PHLPP1: variants seen among roughly 807,000 people sequenced by gnomAD.
PHLPP1 encodes the protein PH domain and leucine rich repeat protein phosphatase 1, also known as PH domain leucine-rich repeat-containing protein phosphatase 1.
PHLPP1 carries 42 observed loss-of-function variants against 117.2 expected under a neutral mutation model. That is an observed-to-expected ratio of 0.36 (90% confidence interval 0.28 to 0.46). PHLPP1 has a LOEUF of 0.46. PHLPP1 is among the 20% of genes least tolerant of loss of function. The pLI is 1.00. For missense variants in PHLPP1, 2,084 were observed against 2,241.9 expected (o/e 0.93, Z 1.42); for synonymous variants, 1,042 against 970.7 (o/e 1.07, Z -1.37).
intron 1 of PHLPP1, among the ~76,000 whole-genome samples, chr18:62,741,957 C>T (rs951021258): frequency 1.3e-5 from 2 of 151,562 alleles, no homozygotes; most frequent in Non-Finnish European, 2.9e-5. Context: ...TCTGCCTGAC[C>T]GAATGCTTTG....
At chr18:62,772,548 A>T (rs536308204) in intron 1 of PHLPP1, among the ~76,000 whole-genome samples, 2 of 152,216 alleles carry the variant, frequency 1.3e-5, no homozygotes, top group East Asian at 3.9e-4. Flanking sequence ...ATTAAATTTA[A>T]ATTGGGCATG....
At position 62,920,074 on chromosome 18, in the gene PHLPP1, C is replaced by T. The variant is rs868527837; in HGVS notation, c.2920C>T (p.Leu974Phe). The change falls in exon 10 of 17, where the codon CTC becomes TTC. Residue 974 changes from leucine to phenylalanine, a missense_variant. This residue lies in a region of PHLPP1 where 1,365 missense variants were observed against 1,605.9 expected (regional missense o/e 0.85). Coordinates refer to ENST00000262719, the MANE Select transcript of PHLPP1 (RefSeq NM_194449.4). ...VEVLDVQHNQ[L>F]LELPPNLLMK... Reference sequence around the variant, plus strand: ...GGTCTTGGATGTGCAACACAACCAGCTCCTTGAGCTCCCACCTAACCTTCT... The same window carrying T: ...GGTCTTGGATGTGCAACACAACCAGTTCCTTGAGCTCCCACCTAACCTTCT... The T allele has an allele frequency of 1.2e-6, 2 of 1,613,696 alleles. No individual in the cohort carries two copies. Among genetic ancestry groups the T allele is most frequent in the Middle Eastern group, 3.3e-4 (2 of 6,060 alleles).
At chr18:62,839,008 CTT>C in intron 3 of PHLPP1, 99 bp downstream of exon 3, 4 of 1,257,598 alleles carry the variant, frequency 3.2e-6, no homozygotes, top group Non-Finnish European at 3.3e-6. Flanking sequence ...GTTACACACA[CTT>C]TTTTTTTCCT....
intron 4 of PHLPP1, among the ~76,000 whole-genome samples, chr18:62,869,541 A>G (rs1915848838): frequency 6.6e-6 from 1 of 152,176 alleles, no homozygotes; most frequent in Non-Finnish European, 1.5e-5. Context: ...TTAGAACATC[A>G]TGAAGTAGTT....
intron 2 of PHLPP1, among the ~76,000 whole-genome samples, chr18:62,831,615 G>A (rs759534725): frequency 3.9e-5 from 6 of 152,162 alleles, no homozygotes; most frequent in Non-Finnish European, 8.8e-5. Context: ...GAGATTACAG[G>A]CATGAGCCAC....
chr18:62,869,493 C>T (rs564334004), intron 4 of PHLPP1, among the ~76,000 whole-genome samples: 20 of 152,324 alleles, frequency 1.3e-4, no homozygotes, highest in African/African-American at 4.8e-4. Context: ...TCCTTGTACC[C>T]TTCTCTTTAT....
intron 15 of PHLPP1, among the ~76,000 whole-genome samples, chr18:62,973,606 G>A (rs1483848396): frequency 2.0e-5 from 3 of 152,174 alleles, no homozygotes; most frequent in African/African-American, 7.2e-5. Context: ...GTTCAGAGCA[G>A]CCTTTACAGT....
At chr18:62,750,595 T>C (rs552744315) in intron 1 of PHLPP1, among the ~76,000 whole-genome samples, 172 of 152,324 alleles carry the variant, frequency 1.1e-3, no homozygotes, top group African/African-American at 4.0e-3. Context: ...ACTTTTTGTC[T>C]TTTGCATTTA....
intron 1 of PHLPP1, among the ~76,000 whole-genome samples, chr18:62,778,639 C>T (rs1020951492): frequency 1.3e-5 from 2 of 151,970 alleles, no homozygotes; most frequent in East Asian, 1.9e-4. Flanking sequence ...ATAATACAAG[C>T]GTGTGTTCAA....
At chr18:62,813,586 G>A (rs1476717132) in intron 1 of PHLPP1, among the ~76,000 whole-genome samples, 2 of 152,218 alleles carry the variant, frequency 1.3e-5, no homozygotes, top group African/African-American at 4.8e-5. Flanking sequence ...ACCAGGTCAA[G>A]TTGGTTAGTT....
chr18:62,863,245 G>A (rs1599089611), intron 4 of PHLPP1, among the ~76,000 whole-genome samples: 1 of 151,098 alleles, frequency 6.6e-6, no homozygotes, highest in Middle Eastern at 3.4e-3. Flanking sequence ...CTGTTTTGCT[G>A]TCACCCAGGC....
At chr18:62,941,565 A>G (rs1344369548) in intron 10 of PHLPP1, among the ~76,000 whole-genome samples, 153 bp from the exon 11 acceptor site, 1 of 152,234 alleles carries the variant, frequency 6.6e-6, no homozygotes, top group African/African-American at 2.4e-5. Flanking sequence ...ACAGATACAA[A>G]TACTTGCTAA....
intron 1 of PHLPP1, among the ~76,000 whole-genome samples, chr18:62,773,213 A>G (rs568409218): frequency 7.2e-5 from 11 of 152,132 alleles, no homozygotes; most frequent in African/African-American, 2.7e-4. Context: ...TCCCCACCCC[A>G]CTTAATTTTT....
intron 3 of PHLPP1, among the ~76,000 whole-genome samples, chr18:62,850,394 C>CGG (rs11462361): frequency 4.8e-4 from 18 of 37,288 alleles, no homozygotes; most frequent in South Asian, 3.0e-3. Context: ...CTCGGGGGGG[C>CGG]GGGGGGGAAA....
intron 1 of PHLPP1, among the ~76,000 whole-genome samples, chr18:62,731,607 C>T (rs1911229097): frequency 6.6e-6 from 1 of 152,180 alleles, no homozygotes; most frequent in Admixed American, 6.5e-5. Context: ...AGTCACAAGT[C>T]TCTCACATTA....
intron 1 of PHLPP1, among the ~76,000 whole-genome samples, chr18:62,825,157 C>T (rs575526952): frequency 9.0e-4 from 137 of 151,930 alleles, no homozygotes; most frequent in African/African-American, 3.2e-3. Context: ...CGGGGTTTCG[C>T]CATCTTGGCC....
rs370873794 is a variant in PHLPP1, at chr18:62,979,245, T to C, written c.4968T>C (p.Ala1656=). Reference sequence around the variant, plus strand: ...CTGGAGGCTATTTTGCTGCCCCGGCTCAGCCGGATCCTGATGATCAGTTTA... The same window carrying C: ...CTGGAGGCTATTTTGCTGCCCCGGCCCAGCCGGATCCTGATGATCAGTTTA... The part of the protein sequence containing the change: ...RKPGGYFAAP[A]QPDPDDQFII... The change falls in exon 17 of 17, where the codon GCT becomes GCC. Residue 1656 remains alanine (A), a synonymous_variant. Transcript: ENST00000262719. 131 of 1,591,690 alleles carry C rather than the reference T, an allele frequency of 8.2e-5. No individual in the cohort carries two copies. The African/African-American group carries it at 1.5e-3, about 18-fold the overall frequency.
chr18:62,790,365 GA>G (rs1265505828), intron 1 of PHLPP1, among the ~76,000 whole-genome samples: 1 of 152,106 alleles, frequency 6.6e-6, no homozygotes, highest in African/African-American at 2.4e-5. Flanking sequence ...GATGTTTTAT[GA>G]ATATCATTTA....
At chr18:62,977,236 A>G (rs779294589) in intron 16 of PHLPP1, among the ~76,000 whole-genome samples, 28 of 152,232 alleles carry the variant, frequency 1.8e-4, no homozygotes, top group Admixed American at 3.9e-4. Flanking sequence ...CCAAATCCCA[A>G]ATAAAGGGAA....
Sources: gnomAD v4.1 joint callset for allele counts (sites outside exome capture counted in the v4.1 genomes callset) on GRCh38, gnomAD v4.1.1 for gene constraint, gnomAD v4.1.1 regional missense constraint, MANE v1.5 for transcripts, NCBI Gene and HGNC (gene_info 2026-07-23, HGNC 2026-07-21) for gene names.